NAV3: variants seen among roughly 807,000 people sequenced by gnomAD.
NAV3 encodes pore membrane and/or filament interacting like protein 1.
A neutral mutation model predicts 244.7 loss-of-function variants in NAV3; 87 were observed. The ratio of observed to expected loss-of-function variants is 0.36; its 90% CI spans 0.30 to 0.42. The LOEUF (loss-of-function observed/expected upper bound fraction) is 0.42. NAV3 is among the 20% of genes least tolerant of loss of function. NAV3 has a pLI of 1.00. For synonymous variants in NAV3, 1,126 were observed against 1,042.2 expected, an observed-to-expected ratio of 1.08 and a Z score of -1.55; for missense variants, 2,663 against 2,893.3, an observed-to-expected ratio of 0.92 and a Z score of 1.83.
chr12:77,985,250 G>A (rs901939474), intron 5 of NAV3, among the ~76,000 whole-genome samples: 30 of 152,114 alleles, frequency 2.0e-4, no homozygotes, highest in Non-Finnish European at 4.3e-4. Flanking sequence ...CCAGTACATC[G>A]GAGGTGGTCA....
rs1877349774 is a variant in NAV3, at chr12:77,736,716, T to C, written c.72+164450T>C. Among the ~76,000 whole-genome samples the C allele has an allele frequency of 1.3e-5, 2 of 152,338 alleles. 1 individual carries two copies. Among genetic ancestry groups the C allele is most frequent in the Middle Eastern group, 6.8e-3 (2 of 294 alleles). On this transcript the variant is annotated intron_variant, in intron 2 of 8. Coordinates refer to the NAV3 transcript ENST00000550042. Reference sequence around the variant, plus strand: ...TGAATACTGGAAGCTGTGATTTCACTGGAGGATGCCAAAGAAATTAAGTTC... The same window carrying C: ...TGAATACTGGAAGCTGTGATTTCACCGGAGGATGCCAAAGAAATTAAGTTC...
intron 2 of NAV3, among the ~76,000 whole-genome samples, chr12:77,674,291 T>C (rs1874112742): frequency 6.6e-6 from 1 of 152,228 alleles, no homozygotes; most frequent in Admixed American, 6.5e-5. Flanking sequence ...TTTGGATTTC[T>C]TGCCCCTTAA....
rs2136075604 is a variant in NAV3 at position 77,831,526 on chromosome 12, C to G, written c.65C>G (p.Thr22Ser). ...GCTGTTGGGTCAAAGCCTGTGCATA[C>G]TGCTCTTCCGATACCAAATCTTGGC... ...QPAVGSKPVHTALPIPNLGTT... is the reference protein window; with the variant it reads ...QPAVGSKPVHSALPIPNLGTT... The change falls in exon 1 of 40, where the codon ACT becomes AGT. Residue 22 changes from threonine (T) to serine (S), a missense_variant. Coordinates refer to ENST00000397909, the MANE Select transcript of NAV3 (RefSeq NM_001024383.2). 6.2e-7 allele frequency: 1 copy of G among 1,614,054 alleles called. No homozygotes were observed. The highest frequency in any genetic ancestry group is 1.1e-5 in the South Asian group (1 of 91,068).
chr12:77,621,946 A>T (rs1871389975), intron 2 of NAV3, among the ~76,000 whole-genome samples: 1 of 152,208 alleles, frequency 6.6e-6, no homozygotes, highest in South Asian at 2.1e-4. Context: ...TCTTGGGTTA[A>T]TATAGTATAT....
At chr12:77,825,271 CAAAGG>C (rs200425483) in intron 2 of NAV3, among the ~76,000 whole-genome samples, 2,249 of 151,944 alleles carry the variant, frequency 0.015, 35 homozygotes, top group African/African-American at 0.04. Context: ...TGCATCTAAG[CAAAGG>C]AAAGAAGAGC....
chr12:78,000,344 C>A (rs1267274796), intron 7 of NAV3, among the ~76,000 whole-genome samples: 2 of 151,886 alleles, frequency 1.3e-5, no homozygotes, highest in Non-Finnish European at 2.9e-5. Context: ...GTCTTGTATG[C>A]AATATGAAAT....
intron 2 of NAV3, among the ~76,000 whole-genome samples, chr12:77,685,473 GCACACA>G (rs778398842): frequency 1.2e-4 from 5 of 42,596 alleles, no homozygotes; most frequent in Admixed American, 3.7e-4. Context: ...GCATACACAT[GCACACA>G]CACACACACA....
chr12:77,998,920 G>A (rs1872787103), intron 7 of NAV3, among the ~76,000 whole-genome samples: 1 of 152,116 alleles, frequency 6.6e-6, no homozygotes, highest in Non-Finnish European at 1.5e-5. Context: ...TTTTATCTTT[G>A]CAAGCAGCAG....
At position 78,119,733 on chromosome 12, in the gene NAV3, A is replaced by G. The variant is rs762068892; in HGVS notation, c.3537A>G (p.Arg1179=). The G allele has an allele frequency of 1.2e-6, 2 of 1,614,038 alleles. No individual in the cohort carries two copies. The highest frequency in any genetic ancestry group is 2.7e-5 in the African/African-American group (2 of 74,926). ...CTGGGGCCACCACCTCGAAACTGAG[A>G]GAACCAACTAAAATTGGGTCAGGGC... The part of the protein sequence containing the change: ...KSAGATTSKL[R]EPTKIGSGRS... The change falls in exon 15 of 40, where the codon AGA becomes AGG. Residue 1179 remains arginine (R), a synonymous_variant. Coordinates refer to ENST00000397909, the MANE Select transcript of NAV3 (RefSeq NM_001024383.2).
intron 17 of NAV3, among the ~76,000 whole-genome samples, 158 bp from the exon 18 acceptor site, chr12:78,128,548 G>T (rs774597470): frequency 2.6e-5 from 4 of 152,168 alleles, no homozygotes; most frequent in South Asian, 2.1e-4. Flanking sequence ...CAAACAGATG[G>T]CGTAAGATCA....
intron 2 of NAV3, among the ~76,000 whole-genome samples, chr12:77,819,521 TAA>T (rs35163406): frequency 0.18 from 27,967 of 151,756 alleles, 3,190 homozygotes; most frequent in Non-Finnish European, 0.26. Context: ...TAAAGTAAAA[TAA>T]GAGTTAAGTT....
At chr12:77,868,470 C>T (rs916028800) in intron 1 of NAV3, among the ~76,000 whole-genome samples, 2 of 152,020 alleles carry the variant, frequency 1.3e-5, no homozygotes, top group African/African-American at 4.8e-5. Context: ...CAGACCAGTG[C>T]AAGCCAAATG....
chr12:77,741,148 C>CAAAAAAAAAAAAAAAAAAAAAAAAAAG, intron 2 of NAV3, among the ~76,000 whole-genome samples: 1 of 68,668 alleles, frequency 1.5e-5, no homozygotes, highest in Non-Finnish European at 2.7e-5. Flanking sequence ...AAAAAAAAGA[C>CAAAAAAAAAAAAAAAAAAAAAAAAAAG]AAAAAAAAAA....
intron 5 of NAV3, among the ~76,000 whole-genome samples, chr12:77,981,028 A>C (rs1458642149): frequency 1.3e-5 from 2 of 152,178 alleles, no homozygotes; most frequent in Non-Finnish European, 2.9e-5. Context: ...ATTTCACTAA[A>C]AGGATAAGTT....
chr12:77,717,668 T>G (rs1876422767), intron 2 of NAV3, among the ~76,000 whole-genome samples: 1 of 152,068 alleles, frequency 6.6e-6, no homozygotes, highest in African/African-American at 2.4e-5. Flanking sequence ...TTAAAGGAAC[T>G]TTCATACTGT....
At chr12:77,629,413 T>C (rs1293947579) in intron 2 of NAV3, among the ~76,000 whole-genome samples, 2 of 152,232 alleles carry the variant, frequency 1.3e-5, no homozygotes, top group African/African-American at 4.8e-5. Flanking sequence ...TTTGACATTT[T>C]TAAGCTGACC....
At chr12:77,800,388 G>GT (rs1158384754) in intron 2 of NAV3, among the ~76,000 whole-genome samples, 4 of 152,128 alleles carry the variant, frequency 2.6e-5, no homozygotes, top group Admixed American at 6.5e-5. Context: ...GTAGGAAAGT[G>GT]TTTTTTCCTA....
intron 15 of NAV3, among the ~76,000 whole-genome samples, chr12:78,120,831 C>T (rs946731323): frequency 5.3e-5 from 8 of 152,092 alleles, no homozygotes; most frequent in African/African-American, 1.9e-4. Context: ...ATTCTGTTGA[C>T]TAAACCCAGA....
intron 18 of NAV3, among the ~76,000 whole-genome samples, chr12:78,131,420 C>T (rs753809704): frequency 1.2e-4 from 19 of 152,102 alleles, no homozygotes; most frequent in East Asian, 1.9e-4. Flanking sequence ...TTTAAAAAAG[C>T]GAAAAGCCTA....
Sources: gnomAD v4.1 joint callset for allele counts (sites outside exome capture counted in the v4.1 genomes callset) on GRCh38, gnomAD v4.1.1 for gene constraint, MANE v1.5 for transcripts, NCBI Gene and HGNC (gene_info 2026-07-23, HGNC 2026-07-21) for gene names.